Variants in KYNU observed in about 807,000 individuals in gnomAD.
KYNU encodes the protein L-kynurenine hydrolase.
Under a neutral mutation model 59.2 loss-of-function variants are expected in KYNU, and 54 were observed. The observed-to-expected ratio is 0.91, with a 90% CI of 0.73 to 1.14. The LOEUF is 1.14. Among genes scored for constraint, KYNU ranks in the 50% most tolerant of loss-of-function variants. KYNU has a pLI of 0.00. For synonymous variants in KYNU, 177 were observed against 192.0 expected (o/e 0.92, Z 0.65); for missense variants, 567 against 554.4 (o/e 1.02, Z -0.23).
chr2:143,036,196 T>G (rs1686889063), intron 12 of KYNU, among the ~76,000 whole-genome samples: 1 of 152,028 alleles, frequency 6.6e-6, no homozygotes, highest in Non-Finnish European at 1.5e-5. Context: ...AAATAGCACT[T>G]GAACGCAAAT....
intron 4 of KYNU, among the ~76,000 whole-genome samples, chr2:142,946,194 G>A (rs905052762): frequency 1.3e-5 from 2 of 151,806 alleles, no homozygotes; most frequent in African/African-American, 4.8e-5. Context: ...CAATTCTCTG[G>A]CCTCAGCTTC....
intron 3 of KYNU, among the ~76,000 whole-genome samples, chr2:142,922,097 T>C: frequency 6.6e-6 from 1 of 152,164 alleles, no homozygotes; most frequent in East Asian, 1.9e-4. Context: ...CCTTTCTTCT[T>C]GACCAATGGA....
intron 8 of KYNU, among the ~76,000 whole-genome samples, chr2:142,980,066 G>A (rs979801075): frequency 3.9e-5 from 6 of 152,074 alleles, no homozygotes; most frequent in Admixed American, 3.9e-4. Flanking sequence ...CTGGGACGGG[G>A]TTGGGCAATT....
At chr2:142,915,628 G>C (rs1682642929) in intron 2 of KYNU, among the ~76,000 whole-genome samples, 1 of 152,174 alleles carries the variant, frequency 6.6e-6, no homozygotes, top group African/African-American at 2.4e-5. Flanking sequence ...TGAGTTTTCA[G>C]AACCATGAGC....
At chr2:142,991,915 G>A (rs1283647605) in intron 10 of KYNU, among the ~76,000 whole-genome samples, 1 of 151,782 alleles carries the variant, frequency 6.6e-6, no homozygotes, top group Non-Finnish European at 1.5e-5. Context: ...AGTCCCCAAA[G>A]ATATAAGGAA....
intron 3 of KYNU, among the ~76,000 whole-genome samples, chr2:142,923,174 ATAG>A (rs1302981612): frequency 6.6e-6 from 1 of 152,258 alleles, no homozygotes; most frequent in African/African-American, 2.4e-5. Context: ...CATTCAGATG[ATAG>A]TAGAACCAAA....
intron 10 of KYNU, among the ~76,000 whole-genome samples, chr2:142,993,012 CAG>C (rs1431815986): frequency 6.6e-6 from 1 of 151,966 alleles, no homozygotes; most frequent in African/African-American, 2.4e-5. Flanking sequence ...GGAGGTATAG[CAG>C]ACTGACTCAG....
intron 3 of KYNU, among the ~76,000 whole-genome samples, chr2:142,925,202 T>C (rs967336537): frequency 6.6e-6 from 1 of 152,236 alleles, no homozygotes; most frequent in Admixed American, 6.5e-5. Context: ...TTCCTTTAAC[T>C]ACCATTTAAT....
intron 10 of KYNU, among the ~76,000 whole-genome samples, chr2:142,997,011 A>G (rs567895836): frequency 1.3e-5 from 2 of 152,312 alleles, no homozygotes; most frequent in South Asian, 2.1e-4. Flanking sequence ...CAATAACTTC[A>G]GTGACCCTCC....
intron 12 of KYNU, among the ~76,000 whole-genome samples, chr2:143,033,901 T>G (rs1686824957): frequency 6.6e-6 from 1 of 152,134 alleles, no homozygotes; most frequent in Admixed American, 6.5e-5. Context: ...TTTTATGATT[T>G]TTTTAAATTG....
At chr2:142,928,593 T>G (rs1166482298) in intron 4 of KYNU, among the ~76,000 whole-genome samples, 3 of 152,168 alleles carry the variant, frequency 2.0e-5, no homozygotes, top group Non-Finnish European at 4.4e-5. Flanking sequence ...GCTGGACTTA[T>G]GCATAGAAAA....
intron 1 of KYNU, among the ~76,000 whole-genome samples, 165 bp downstream of exon 1, chr2:142,877,901 T>G (rs1420875698): frequency 6.6e-6 from 1 of 152,204 alleles, no homozygotes; most frequent in Non-Finnish European, 1.5e-5. Flanking sequence ...AAAAATGGTA[T>G]GACCTTCCTA....
chr2:142,957,762 A>AT (rs1469767406), intron 7 of KYNU, 47 bp downstream of exon 7: 5 of 1,223,812 alleles, frequency 4.1e-6, no homozygotes, highest in Non-Finnish European at 6.0e-6. Flanking sequence ...TTTAGTATTG[A>AT]TTTTTTTCTT....
At chr2:142,887,426 A>G (rs1395044611) in intron 2 of KYNU, among the ~76,000 whole-genome samples, 1 of 152,192 alleles carries the variant, frequency 6.6e-6, no homozygotes, top group Non-Finnish European at 1.5e-5. Flanking sequence ...GAATTACCAC[A>G]TGATCCAGCA....
intron 2 of KYNU, among the ~76,000 whole-genome samples, chr2:142,894,328 A>G (rs149773652): frequency 6.6e-6 from 1 of 152,328 alleles, no homozygotes; most frequent in African/African-American, 2.4e-5. Flanking sequence ...GGGCATCCCT[A>G]TTGGAAAAAG....
At chr2:143,012,658 A>G (rs868714504) in intron 10 of KYNU, among the ~76,000 whole-genome samples, 1 of 152,192 alleles carries the variant, frequency 6.6e-6, no homozygotes, top group African/African-American at 2.4e-5. Flanking sequence ...CGCTGTAGTG[A>G]AGCAGATTAA....
chr2:142,928,926 T>C (rs58194898), intron 4 of KYNU, among the ~76,000 whole-genome samples: 1,463 of 145,788 alleles, frequency 0.01, 20 homozygotes, highest in African/African-American at 0.036. Flanking sequence ...GAGGTTAGCT[T>C]GAGCCTGGGA....
chr2:142,883,572 T>A (rs1681384573), intron 1 of KYNU, among the ~76,000 whole-genome samples: 1 of 152,036 alleles, frequency 6.6e-6, no homozygotes, highest in Non-Finnish European at 1.5e-5. Context: ...TCCCTCTTTT[T>A]CCCTCCCTAG....
In KYNU at chr2:142,928,609, T is replaced by C. The variant is rs188987144; in HGVS notation, c.373+868T>C. On this transcript the variant is annotated intron_variant, in intron 4 of 13. Transcript: ENST00000264170. ...CTGGACTTATGCATAGAAAAAACTA[T>C]GGCAACTGGCAAATCATTAAAATCT... 5.3e-5 allele frequency among the ~76,000 whole-genome samples: 8 copies of C among 152,264 alleles called. No homozygotes were observed. The East Asian group carries it at 1.5e-3, about 29-fold the overall frequency.
Sources: gnomAD v4.1 joint callset for allele counts (sites outside exome capture counted in the v4.1 genomes callset) on GRCh38, gnomAD v4.1.1 for gene constraint, MANE v1.5 for transcripts, NCBI Gene and HGNC (gene_info 2026-07-23, HGNC 2026-07-21) for gene names.